Variants in ATP11B observed in about 807,000 individuals in gnomAD.
ATP11B encodes the protein phospholipid-transporting ATPase IF.
A neutral mutation model predicts 157.8 loss-of-function variants in ATP11B; 81 were observed. The observed-to-expected ratio is 0.51, with a 90% CI of 0.43 to 0.62. The LOEUF is 0.62. Ranked by LOEUF, ATP11B falls within the 20% of genes least tolerant of loss-of-function variation. The pLI is 0.00. For synonymous variants in ATP11B, 451 were observed against 469.4 expected (o/e 0.96, Z 0.51); for missense variants, 1,165 against 1,402.2 (o/e 0.83, Z 2.70).
rs1725299939 is a variant in ATP11B at position 182,918,912 on chromosome 3, T to TG, written c.*809dup. On this transcript the variant is annotated 3_prime_UTR_variant, in exon 30 of 30. Transcript: ENST00000323116. ...TACTATTAGCATATTATTAATTTAATGTCTTTATCATTGGATCTTTTGCAT... is the reference window on the plus strand; with the variant it reads ...TACTATTAGCATATTATTAATTTAATGGTCTTTATCATTGGATCTTTTGCAT... 6.6e-6 allele frequency: 1 copy of TG among 152,220 alleles called. No homozygotes were observed. Among genetic ancestry groups the TG allele is most frequent in the South Asian group, 2.1e-4 (1 of 4,836 alleles). 9.4% of individuals were successfully genotyped at this position (152,220 alleles called of 1,614,324 possible).
chr3:182,813,301 C>T (rs1286660767), intron 1 of ATP11B, among the ~76,000 whole-genome samples: 1 of 152,190 alleles, frequency 6.6e-6, no homozygotes, highest in African/African-American at 2.4e-5. Flanking sequence ...ATACCATTTT[C>T]CACAGTAGCT....
chr3:182,873,845 A>T lies in ATP11B; in HGVS notation c.2082A>T (p.Ala694=), dbSNP rs150654383. ...ATAAAGTTCGAGAAACTATTGAAGC[A>T]TTGAGAATGGCTGGTATCAAAGTAT... ...LQDKVRETIE[A]LRMAGIKVWV... Residue 694 remains alanine (A), a synonymous_variant, in exon 19 of 30, where the codon GCA becomes GCT. Transcript: ENST00000323116. 5.8e-4 allele frequency: 939 copies of T among 1,614,160 alleles called. No individual in the cohort carries two copies. Among genetic ancestry groups the T allele is most frequent in the Middle Eastern group, 4.3e-3 (26 of 6,060 alleles).
chr3:182,828,846 T>C (rs1229872088), intron 3 of ATP11B, among the ~76,000 whole-genome samples: 2 of 152,062 alleles, frequency 1.3e-5, no homozygotes, highest in African/African-American at 4.8e-5. Flanking sequence ...GTGATGGCCA[T>C]TTTCCTTTAA....
chr3:182,812,130 G>C (rs955197093), intron 1 of ATP11B, among the ~76,000 whole-genome samples: 1 of 151,772 alleles, frequency 6.6e-6, no homozygotes, highest in Non-Finnish European at 1.5e-5. Flanking sequence ...TTAGAATTTT[G>C]TGGTGTACAT....
intron 1 of ATP11B, among the ~76,000 whole-genome samples, chr3:182,806,013 CTCTT>C (rs919392569): frequency 5.3e-5 from 8 of 152,190 alleles, no homozygotes; most frequent in African/African-American, 7.2e-5. Flanking sequence ...TGCATACCAC[CTCTT>C]TCTTCTGGAT....
intron 27 of ATP11B, 52 bp downstream of exon 27, chr3:182,897,458 T>C (rs762359209): frequency 8.1e-7 from 1 of 1,235,740 alleles, no homozygotes; most frequent in East Asian, 2.5e-5. Context: ...TAATAAACAT[T>C]TATTGTGATA....
At chr3:182,891,792 A>G (rs1244036807) in intron 25 of ATP11B, among the ~76,000 whole-genome samples, 1 of 152,194 alleles carries the variant, frequency 6.6e-6, no homozygotes, top group Non-Finnish European at 1.5e-5. Context: ...AGCACATGTT[A>G]GAATCAGAAT....
chr3:182,808,108 T>C (rs538927279), intron 1 of ATP11B, among the ~76,000 whole-genome samples: 1 of 152,342 alleles, frequency 6.6e-6, no homozygotes, highest in South Asian at 2.1e-4. Context: ...CAAGTCTTAA[T>C]CATATGTTAC....
At chr3:182,902,810 T>G (rs1204385933) in intron 28 of ATP11B, among the ~76,000 whole-genome samples, 1 of 152,138 alleles carries the variant, frequency 6.6e-6, no homozygotes, top group Non-Finnish European at 1.5e-5. Context: ...ATCTATACCT[T>G]GTTAATATAT....
chr3:182,861,556 A>G (rs1720841605), intron 12 of ATP11B, among the ~76,000 whole-genome samples: 1 of 152,182 alleles, frequency 6.6e-6, no homozygotes, highest in South Asian at 2.1e-4. Flanking sequence ...CTGAAATCAG[A>G]GGGAAGGTTG....
intron 10 of ATP11B, among the ~76,000 whole-genome samples, chr3:182,855,262 A>G (rs1330422173): frequency 6.6e-6 from 1 of 152,306 alleles, no homozygotes; most frequent in South Asian, 2.1e-4. Flanking sequence ...AATAGGCCCA[A>G]TTGATTTTTG....
At chr3:182,823,905 G>A (rs2108501232) in intron 2 of ATP11B, among the ~76,000 whole-genome samples, 1 of 151,436 alleles carries the variant, frequency 6.6e-6, no homozygotes, top group South Asian at 2.1e-4. Context: ...GATGAGTTTT[G>A]ACAAATCTGA....
intron 1 of ATP11B, among the ~76,000 whole-genome samples, chr3:182,806,416 G>A (rs78261677): frequency 0.011 from 1,619 of 152,068 alleles, 31 homozygotes; most frequent in African/African-American, 0.037. Context: ...AAAATTTTTA[G>A]CCATTTTTTC....
chr3:182,899,190 C>G (rs1329673843), intron 28 of ATP11B, among the ~76,000 whole-genome samples: 1 of 137,118 alleles, frequency 7.3e-6, no homozygotes, highest in Admixed American at 8.0e-5. Context: ...GAGTCTTGCT[C>G]TGTCACCCAG....
At chr3:182,809,986 A>T (rs1464408314) in intron 1 of ATP11B, among the ~76,000 whole-genome samples, 2 of 152,206 alleles carry the variant, frequency 1.3e-5, no homozygotes, top group Non-Finnish European at 2.9e-5. Context: ...CTTAGTTATT[A>T]TGCAGGGTAA....
chr3:182,801,300 G>A (rs1170245002), intron 1 of ATP11B, among the ~76,000 whole-genome samples: 1 of 152,154 alleles, frequency 6.6e-6, no homozygotes, highest in African/African-American at 2.4e-5. Flanking sequence ...CAGGAAAGGA[G>A]GAAGAATAGG....
At chr3:182,895,255 A>G (rs942774585) in intron 25 of ATP11B, among the ~76,000 whole-genome samples, 1 of 152,178 alleles carries the variant, frequency 6.6e-6, no homozygotes, top group Non-Finnish European at 1.5e-5. Flanking sequence ...ATAAAAGCAG[A>G]CAGCAGACAG....
intron 1 of ATP11B, among the ~76,000 whole-genome samples, chr3:182,806,048 T>C (rs1456320457): frequency 3.3e-5 from 5 of 152,230 alleles, no homozygotes; most frequent in Admixed American, 6.5e-5. Context: ...TCTTGCTGAA[T>C]AACTTCTTTA....
chr3:182,916,448 A>C, intron 29 of ATP11B: 1 of 985,352 alleles, frequency 1.0e-6, no homozygotes, highest in Non-Finnish European at 1.2e-6. Flanking sequence ...TTTGACTTAC[A>C]TTTTATTAAT....
Sources: allele counts gnomAD v4.1 joint callset (sites outside exome capture counted in the v4.1 genomes callset), GRCh38; gene constraint gnomAD v4.1.1; transcripts MANE v1.5; gene names NCBI Gene and HGNC (gene_info 2026-07-23, HGNC 2026-07-21).